Variants in TAB2 observed in about 807,000 individuals in gnomAD.
The protein encoded by TAB2 is TGF-beta-activated kinase 1 and MAP3K7-binding protein 2.
In TAB2, 3 loss-of-function variants were observed where a neutral mutation model predicts 65.0. That is an observed-to-expected ratio of 0.05 (90% CI 0.02 to 0.12). The LOEUF (loss-of-function observed/expected upper bound fraction) is 0.12, where lower values mean the gene tolerates loss of function less well. Among genes scored for constraint, TAB2 ranks in the 10% least tolerant of loss-of-function variants. TAB2 has a pLI of 1.00. For missense variants in TAB2, 623 were observed against 840.3 expected (o/e 0.74, Z 3.20); for synonymous variants, 298 against 285.1 (o/e 1.05, Z -0.46).
intron 1 of TAB2, among the ~76,000 whole-genome samples, chr6:149,357,530 A>G (rs1780705680): frequency 6.6e-6 from 1 of 151,736 alleles, no homozygotes; most frequent in African/African-American, 2.4e-5. Flanking sequence ...AATGGATTAC[A>G]TTATACATTG....
intron 1 of TAB2, among the ~76,000 whole-genome samples, chr6:149,357,466 C>CACAT (rs1554261753): frequency 1.3e-5 from 2 of 148,206 alleles, no homozygotes; most frequent in Admixed American, 6.7e-5. Context: ...CACACACACA[C>CACAT]ATTTTAGCCT....
intron 1 of TAB2, among the ~76,000 whole-genome samples, chr6:149,269,051 G>A (rs1778315282): frequency 2.0e-5 from 3 of 152,122 alleles, no homozygotes; most frequent in South Asian, 2.1e-4. Context: ...GGTTCCTTGT[G>A]CAATACATAA....
At chr6:149,324,848 G>A (rs958456213) in intron 1 of TAB2, among the ~76,000 whole-genome samples, 1 of 136,746 alleles carries the variant, frequency 7.3e-6, no homozygotes, top group Non-Finnish European at 1.5e-5. Context: ...TTTTTTTGGA[G>A]TGCAGTGACA....
intron 1 of TAB2, among the ~76,000 whole-genome samples, chr6:149,229,330 G>A (rs1349314763): frequency 2.0e-5 from 3 of 152,038 alleles, no homozygotes; most frequent in Non-Finnish European, 4.4e-5. Flanking sequence ...AACTGGCACC[G>A]TGCTTCTACT....
intron 1 of TAB2, among the ~76,000 whole-genome samples, chr6:149,254,698 T>C (rs375751692): frequency 7.2e-5 from 11 of 152,220 alleles, no homozygotes; most frequent in African/African-American, 2.4e-4. Context: ...TACTTTAAAC[T>C]GGACGAGAAA....
intron 1 of TAB2, among the ~76,000 whole-genome samples, chr6:149,287,743 A>G (rs1198433063): frequency 1.3e-5 from 2 of 152,218 alleles, no homozygotes; most frequent in Admixed American, 6.5e-5. Flanking sequence ...AAACTGCCAC[A>G]TATCACTATT....
chr6:149,232,617 G>A (rs1263622643), intron 1 of TAB2, among the ~76,000 whole-genome samples: 1 of 152,174 alleles, frequency 6.6e-6, no homozygotes. Flanking sequence ...TACCACTAAG[G>A]GAGGCTATGC....
At chr6:149,292,781 C>A (rs1404758368) in intron 1 of TAB2, among the ~76,000 whole-genome samples, 14 of 152,142 alleles carry the variant, frequency 9.2e-5, no homozygotes, top group Admixed American at 9.2e-4. Flanking sequence ...CAACAATGAG[C>A]TTTCTCGGGA....
In TAB2 at chr6:149,281,555, C is replaced by CAAAAAAAAAAAAAAAAAAAAAAAAAA. The variant is rs59196897; in HGVS notation, c.-121+62780_-121+62805dup. On this transcript the variant is annotated intron_variant, in intron 1 of 1. Coordinates refer to the TAB2 transcript ENST00000606202. ...TGAACAACACAGCAAGATGCCATCT[C>CAAAAAAAAAAAAAAAAAAAAAAAAAA]AAAAAAAAAAAAAAAAAAAAAAAAA... 2.8e-5 allele frequency among the ~76,000 whole-genome samples: 2 copies of CAAAAAAAAAAAAAAAAAAAAAAAAAA among 70,338 alleles called. 1 individual carries two copies. Among genetic ancestry groups the CAAAAAAAAAAAAAAAAAAAAAAAAAA allele is most frequent in the African/African-American group, 1.0e-4 (2 of 19,642 alleles). 46.1% of individuals were successfully genotyped at this position (70,338 alleles called of 152,430 possible).
Position 149,409,734 on chromosome 6 carries a change from T to TAGA in TAB2, c.*16_*17insGAA. 1 of 1,614,010 alleles carries TAGA rather than the reference T, an allele frequency of 6.2e-7. No homozygotes were observed. Among genetic ancestry groups the TAGA allele is most frequent in the Non-Finnish European group, 8.5e-7 (1 of 1,179,870 alleles). On this transcript the variant is annotated 3_prime_UTR_variant, in exon 7 of 7. Transcript: ENST00000637181. ...GGCATTTCTGAGCCAAATGGCCCTG[T>TAGA]ATCTTCTCTAAAACCACATCTAAAG... is the stretch of plus-strand genomic sequence containing the variant.
At chr6:149,224,489 A>T (rs1478654193) in intron 1 of TAB2, among the ~76,000 whole-genome samples, 1 of 152,184 alleles carries the variant, frequency 6.6e-6, no homozygotes, top group East Asian at 1.9e-4. Context: ...TCCTGGGCTG[A>T]ACTCTGAAAT....
At chr6:149,395,347 AT>A (rs2114935617) in intron 3 of TAB2, among the ~76,000 whole-genome samples, 1 of 152,342 alleles carries the variant, frequency 6.6e-6, no homozygotes, top group East Asian at 1.9e-4. Flanking sequence ...ATTTGGAATT[AT>A]CCCTGTCTGG....
intron 1 of TAB2, among the ~76,000 whole-genome samples, chr6:149,348,526 G>A (rs958191937): frequency 2.6e-5 from 4 of 151,882 alleles, no homozygotes; most frequent in Non-Finnish European, 4.4e-5. Context: ...AGAGGTTAAT[G>A]TTAATAGTCA....
chr6:149,394,256 A>C (rs1256801285), intron 3 of TAB2, among the ~76,000 whole-genome samples: 1 of 151,710 alleles, frequency 6.6e-6, no homozygotes, highest in African/African-American at 2.4e-5. Context: ...TTCTAGCCAT[A>C]TTTTTTATTT....
intron 1 of TAB2, among the ~76,000 whole-genome samples, chr6:149,359,052 ATATTTT>A (rs1371980517): frequency 6.6e-6 from 1 of 151,832 alleles, no homozygotes; most frequent in African/African-American, 2.4e-5. Flanking sequence ...GTCATTTTAA[ATATTTT>A]TATTTTATAG....
intron 1 of TAB2, among the ~76,000 whole-genome samples, chr6:149,301,513 G>T (rs1778972695): frequency 6.6e-6 from 1 of 152,192 alleles, no homozygotes; most frequent in African/African-American, 2.4e-5. Flanking sequence ...GGTCATTTCT[G>T]TACATTACAC....
intron 1 of TAB2, among the ~76,000 whole-genome samples, chr6:149,352,569 A>G (rs1179002163): frequency 6.6e-6 from 1 of 152,142 alleles, no homozygotes; most frequent in Non-Finnish European, 1.5e-5. Context: ...TTCCTTCCTT[A>G]AATCAATACT....
intron 2 of TAB2, among the ~76,000 whole-genome samples, chr6:149,377,479 G>C (rs1294561779): frequency 6.6e-6 from 1 of 151,936 alleles, no homozygotes; most frequent in Non-Finnish European, 1.5e-5. Flanking sequence ...CAAGTTAAGA[G>C]GAAGCGTGTG....
chr6:149,378,511 G>A lies in TAB2; in HGVS notation c.596G>A (p.Gly199Asp), dbSNP rs781562724. 1 of 1,614,102 alleles carries A rather than the reference G, an allele frequency of 6.2e-7. No individual in the cohort carries two copies. Among genetic ancestry groups the A allele is most frequent in the Non-Finnish European group, 8.5e-7 (1 of 1,180,040 alleles). Residue 199 changes from glycine (G) to aspartate (D), a missense_variant, in exon 3 of 7, where the codon GGT (glycine) becomes GAT (aspartate). By Grantham distance (94) the Gly-to-Asp change is moderately conservative (BLOSUM62 -1). Coordinates refer to ENST00000637181, the MANE Select transcript of TAB2 (RefSeq NM_001292034.3). The part of the protein sequence containing the change: ...RNTPTSLHIH[G>D]VPPPVLNSPQ... ...ACTCCTACATCTTTGCACATACATG[G>A]TGTACCTCCACCTGTACTTAACAGT...
Sources: gnomAD v4.1 joint callset for allele counts (sites outside exome capture counted in the v4.1 genomes callset) on GRCh38, gnomAD v4.1.1 for gene constraint, MANE v1.5 for transcripts, NCBI Gene and HGNC (gene_info 2026-07-23, HGNC 2026-07-21) for gene names.